The following POLR3B variants were observed in gnomAD, a reference collection of about 807,000 sequenced individuals.
POLR3B encodes RNA polymerase III subunit B.
In POLR3B, 96 loss-of-function variants were observed where a neutral mutation model predicts 147.4. The observed-to-expected ratio is 0.65, with a 90% CI of 0.55 to 0.77. POLR3B has a LOEUF of 0.77. Ranked by LOEUF, POLR3B falls within the 30% of genes least tolerant of loss-of-function variation. The pLI is 0.00. For missense variants in POLR3B, 1,036 were observed against 1,413.5 expected, an observed-to-expected ratio of 0.73 and a Z score of 4.28; for synonymous variants, 461 against 485.9, an observed-to-expected ratio of 0.95 and a Z score of 0.67.
intron 18 of POLR3B, 108 bp from the exon 19 acceptor site, chr12:106,444,355 A>C: frequency 9.8e-7 from 1 of 1,015,346 alleles, no homozygotes; most frequent in Non-Finnish European, 1.5e-6. Context: ...AATTTTATTG[A>C]CATATAAATC....
At chr12:106,482,416 G>A (rs2038280053) in intron 23 of POLR3B, among the ~76,000 whole-genome samples, 1 of 152,180 alleles carries the variant, frequency 6.6e-6, no homozygotes, top group Admixed American at 6.5e-5. Flanking sequence ...TGTACAGGAA[G>A]CATGGCTAGG....
At chr12:106,440,479 C>T (rs2037635303) in intron 18 of POLR3B, among the ~76,000 whole-genome samples, 1 of 152,158 alleles carries the variant, frequency 6.6e-6, no homozygotes, top group African/African-American at 2.4e-5. Flanking sequence ...TGCCCACTTC[C>T]ATTTCTACCT....
chr12:106,366,873 G>A (rs556703612), intron 4 of POLR3B, 151 bp downstream of exon 4: 17 of 672,078 alleles, frequency 2.5e-5, no homozygotes, highest in South Asian at 2.1e-4. Flanking sequence ...GGAGGCCGAG[G>A]TGGGCAAATC....
chr12:106,443,971 G>T (rs11112995), intron 18 of POLR3B, among the ~76,000 whole-genome samples: 6 of 151,740 alleles, frequency 4.0e-5, no homozygotes, highest in African/African-American at 1.2e-4. Flanking sequence ...ACTACAGGTG[G>T]GTGCCACCAC....
At chr12:106,416,562 G>A (rs887836757) in intron 12 of POLR3B, among the ~76,000 whole-genome samples, 5 of 152,180 alleles carry the variant, frequency 3.3e-5, no homozygotes, top group Non-Finnish European at 5.9e-5. Context: ...AGGAGCATCC[G>A]CAGCAGACCT....
intron 19 of POLR3B, among the ~76,000 whole-genome samples, chr12:106,452,715 T>G (rs1003285937): frequency 6.6e-6 from 1 of 152,228 alleles, no homozygotes; most frequent in Non-Finnish European, 1.5e-5. Flanking sequence ...CCAGGTATCC[T>G]GCCCAGTTTA....
chr12:106,424,697 T>C (rs182304146), intron 12 of POLR3B, among the ~76,000 whole-genome samples: 186 of 152,292 alleles, frequency 1.2e-3, no homozygotes, highest in Non-Finnish European at 2.1e-3. Flanking sequence ...AGGTGTTTTT[T>C]CTCTGAGTAT....
At chr12:106,491,671 A>AG (rs1283407683) in intron 23 of POLR3B, among the ~76,000 whole-genome samples, 14 of 152,244 alleles carry the variant, frequency 9.2e-5, no homozygotes, top group Non-Finnish European at 1.8e-4. Flanking sequence ...CACATCATTT[A>AG]GAGCATTAGA....
chr12:106,388,943 A>G (rs1171494702), intron 9 of POLR3B, among the ~76,000 whole-genome samples: 5 of 152,092 alleles, frequency 3.3e-5, no homozygotes, highest in East Asian at 1.9e-4. Flanking sequence ...TTTTTGTTCA[A>G]TGGTATTGCT....
chr12:106,418,149 GCC>G, intron 12 of POLR3B, among the ~76,000 whole-genome samples: 1 of 148,524 alleles, frequency 6.7e-6, no homozygotes, highest in South Asian at 2.1e-4. Flanking sequence ...TGGCAGGCCA[GCC>G]GCCAGTAGAG....
At chr12:106,494,187 CT>C (rs1214237204) in intron 23 of POLR3B, among the ~76,000 whole-genome samples, 1 of 152,126 alleles carries the variant, frequency 6.6e-6, no homozygotes, top group South Asian at 2.1e-4. Flanking sequence ...GTTGAATTTG[CT>C]TAATTAAATG....
intron 17 of POLR3B, 62 bp downstream of exon 17, chr12:106,437,193 A>C: frequency 8.9e-7 from 1 of 1,126,174 alleles, no homozygotes. Flanking sequence ...ATTTAAGAAA[A>C]GTGTATTTTC....
chr12:106,386,925 G>A (rs1477189202), intron 9 of POLR3B, among the ~76,000 whole-genome samples: 1 of 151,710 alleles, frequency 6.6e-6, no homozygotes. Flanking sequence ...AAAGAAAAAA[G>A]TTTCTTCTGT....
intron 25 of POLR3B, among the ~76,000 whole-genome samples, chr12:106,497,169 G>A (rs913528561): frequency 2.0e-5 from 3 of 149,232 alleles, no homozygotes; most frequent in African/African-American, 7.3e-5. Context: ...GCTATCATTT[G>A]TGTTAGCGTA....
chr12:106,373,956 GT>G (rs1163863672), intron 6 of POLR3B, among the ~76,000 whole-genome samples: 1 of 151,160 alleles, frequency 6.6e-6, no homozygotes, highest in Non-Finnish European at 1.5e-5. Context: ...CATGTTTCAG[GT>G]TTTTTTCCAT....
At chr12:106,359,525 T>C (rs1334391990) in intron 1 of POLR3B, among the ~76,000 whole-genome samples, 1 of 151,902 alleles carries the variant, frequency 6.6e-6, no homozygotes, top group Non-Finnish European at 1.5e-5. Context: ...AGAGACGGGG[T>C]TTCACTGTGT....
chr12:106,365,386 G>GT (rs1057154219), intron 2 of POLR3B, among the ~76,000 whole-genome samples: 1 of 152,126 alleles, frequency 6.6e-6, no homozygotes. Context: ...AGGTCAAGAA[G>GT]TTTCTTTTTC....
At chr12:106,486,242 T>C (rs945962267) in intron 23 of POLR3B, among the ~76,000 whole-genome samples, 2 of 142,442 alleles carry the variant, frequency 1.4e-5, no homozygotes, top group Non-Finnish European at 3.0e-5. Flanking sequence ...CGAGCCTAGA[T>C]TGGGCCACTG....
chr12:106,507,621 A>G (rs2038710124), intron 27 of POLR3B: 16 of 277,336 alleles, frequency 5.8e-5, no homozygotes, highest in South Asian at 5.1e-4. Context: ...AAGAAAAAGT[A>G]ACTCACCAAG....
Sources: allele counts gnomAD v4.1 joint callset (sites outside exome capture counted in the v4.1 genomes callset), GRCh38; gene constraint gnomAD v4.1.1; transcripts MANE v1.5; gene names NCBI Gene and HGNC (gene_info 2026-07-23, HGNC 2026-07-21).